PPFIA2: variants seen among roughly 807,000 people sequenced by gnomAD.
PPFIA2 encodes liprin-alpha-2.
A neutral mutation model predicts 175.5 loss-of-function variants in PPFIA2; 46 were observed. That is an observed-to-expected ratio of 0.26 (90% CI 0.21 to 0.34). The LOEUF (loss-of-function observed/expected upper bound fraction) is 0.34, where lower values mean the gene tolerates loss of function less well. PPFIA2 is among the 10% of genes least tolerant of loss of function. The pLI is 1.00. For synonymous variants in PPFIA2, 568 were observed against 511.4 expected, an observed-to-expected ratio of 1.11 and a Z score of -1.49; for missense variants, 1,179 against 1,506.1, an observed-to-expected ratio of 0.78 and a Z score of 3.60.
At chr12:81,618,697 T>A (rs2061690501) in intron 4 of PPFIA2, among the ~76,000 whole-genome samples, 1 of 151,546 alleles carries the variant, frequency 6.6e-6, no homozygotes, top group Admixed American at 6.6e-5. Flanking sequence ...CCCAGCTAAT[T>A]TTTTTTTGTA....
intron 3 of PPFIA2, among the ~76,000 whole-genome samples, chr12:81,706,969 T>A (rs1270792013): frequency 6.6e-6 from 1 of 152,088 alleles, no homozygotes; most frequent in African/African-American, 2.4e-5. Context: ...GCTAGCCATA[T>A]GTAGAAAGCT....
At chr12:81,463,144 T>C (rs2054958495) in intron 4 of PPFIA2, among the ~76,000 whole-genome samples, 1 of 152,048 alleles carries the variant, frequency 6.6e-6, no homozygotes. Context: ...TGGAATATTA[T>C]GCAAAGGGAA....
chr12:81,439,755 C>T (rs1004275936), intron 7 of PPFIA2: 1 of 495,944 alleles, frequency 2.0e-6, no homozygotes, highest in East Asian at 4.0e-5. Flanking sequence ...ATGTCACTAG[C>T]TTTTGATAAT....
chr12:81,636,283 T>TTTTC (rs1474019945), intron 4 of PPFIA2, among the ~76,000 whole-genome samples: 1 of 131,864 alleles, frequency 7.6e-6, no homozygotes, highest in South Asian at 2.4e-4. Context: ...TTTTTTTTTT[T>TTTTC]GAGACGGAGT....
rs1055692912 is a variant in PPFIA2 at position 81,633,877 on chromosome 12, G to A, written c.303+42914C>T. Among the ~76,000 whole-genome samples, 5 of 152,080 alleles carry A rather than the reference G, an allele frequency of 3.3e-5. No individual in the cohort carries two copies. The East Asian group carries it at 7.7e-4, about 23-fold the overall frequency. ...GGTGGGTAATAGAGAGGTTGCTTAT[G>A]TTTATATTAGGAGCTCAAGAAAATA... On this transcript the variant is annotated intron_variant, in intron 4 of 32. Transcript: ENST00000549396.
At chr12:81,568,613 T>C (rs1405012659) in intron 4 of PPFIA2, among the ~76,000 whole-genome samples, 1 of 152,206 alleles carries the variant, frequency 6.6e-6, no homozygotes, top group Non-Finnish European at 1.5e-5. Context: ...ATCTGAGAAC[T>C]CATAAGTCTT....
chr12:81,370,336 G>A (rs181744198), intron 11 of PPFIA2, among the ~76,000 whole-genome samples: 13 of 151,868 alleles, frequency 8.6e-5, no homozygotes, highest in African/African-American at 3.1e-4. Context: ...TGCACACTAT[G>A]GTCATTGGTC....
chr12:81,383,342 G>C (rs573248126), intron 9 of PPFIA2, among the ~76,000 whole-genome samples: 2 of 152,192 alleles, frequency 1.3e-5, no homozygotes, highest in East Asian at 1.9e-4. Flanking sequence ...CTTTTCAGTT[G>C]TGACTGAAAA....
At chr12:81,485,752 A>C (rs553237600) in intron 4 of PPFIA2, among the ~76,000 whole-genome samples, 3 of 152,028 alleles carry the variant, frequency 2.0e-5, no homozygotes, top group African/African-American at 7.2e-5. Flanking sequence ...ATAAAATGTA[A>C]ATTTTTGCCA....
At chr12:81,531,974 C>A (rs571680185) in intron 4 of PPFIA2, among the ~76,000 whole-genome samples, 3 of 151,920 alleles carry the variant, frequency 2.0e-5, no homozygotes, top group South Asian at 2.1e-4. Context: ...ATAATGGACA[C>A]ATTTCTTGAT....
At chr12:81,430,658 C>T (rs2144463449) in intron 7 of PPFIA2, 1 of 151,690 alleles carries the variant, frequency 6.6e-6, no homozygotes, top group East Asian at 1.9e-4. Flanking sequence ...CAGCCTTTTG[C>T]TTTTAGAATA....
chr12:81,663,142 C>T (rs965750745), intron 4 of PPFIA2, among the ~76,000 whole-genome samples: 8 of 152,096 alleles, frequency 5.3e-5, no homozygotes, highest in Non-Finnish European at 1.2e-4. Context: ...ACAGGGAGTC[C>T]CTCTCTCGCC....
chr12:81,413,222 C>G (rs2143011549), intron 7 of PPFIA2, among the ~76,000 whole-genome samples: 1 of 151,326 alleles, frequency 6.6e-6, no homozygotes, highest in South Asian at 2.1e-4. Flanking sequence ...AGGAGGCACT[C>G]TAGAAATATT....
At chr12:81,371,046 C>A (rs1174016221) in intron 11 of PPFIA2, among the ~76,000 whole-genome samples, 1 of 151,788 alleles carries the variant, frequency 6.6e-6, no homozygotes, top group Non-Finnish European at 1.5e-5. Flanking sequence ...TCTATGAAAG[C>A]AAACATTTAA....
chr12:81,737,193 T>C (rs2081701067), intron 3 of PPFIA2, among the ~76,000 whole-genome samples: 1 of 151,972 alleles, frequency 6.6e-6, no homozygotes, highest in Non-Finnish European at 1.5e-5. Flanking sequence ...TCGACCTGCT[T>C]TTTCCCTAGT....
At chr12:81,464,148 C>T (rs2055154490) in intron 4 of PPFIA2, among the ~76,000 whole-genome samples, 1 of 152,094 alleles carries the variant, frequency 6.6e-6, no homozygotes, top group South Asian at 2.1e-4. Flanking sequence ...AACTCCTGGC[C>T]TCAAGCAATT....
chr12:81,585,028 AATTATATTTATATATAATATATT>A (rs1567452359), intron 4 of PPFIA2, among the ~76,000 whole-genome samples: 82 of 80,262 alleles, frequency 1.0e-3, no homozygotes, highest in Non-Finnish European at 1.9e-3. Flanking sequence ...ATAATATATT[AATTATATTTATATATAATATATT>A]ATATAATTAT....
chr12:81,268,398 AAAGTGCTGGG>A (rs1240844190), intron 28 of PPFIA2, among the ~76,000 whole-genome samples: 2 of 151,912 alleles, frequency 1.3e-5, no homozygotes, highest in Non-Finnish European at 2.9e-5. Flanking sequence ...TCGGCCTCCC[AAAGTGCTGGG>A]ATTACAGGCG....
chr12:81,407,486 A>ATAAAG (rs1169026513), intron 7 of PPFIA2, among the ~76,000 whole-genome samples: 6 of 136,542 alleles, frequency 4.4e-5, no homozygotes, highest in Non-Finnish European at 7.9e-5. Context: ...CTGTCTTAAA[A>ATAAAG]TAAAATAAAA....
Sources: allele counts gnomAD v4.1 joint callset (sites outside exome capture counted in the v4.1 genomes callset), GRCh38; gene constraint gnomAD v4.1.1; transcripts MANE v1.5; gene names NCBI Gene and HGNC (gene_info 2026-07-23, HGNC 2026-07-21).